CREB1: variants seen among roughly 807,000 people sequenced by gnomAD.
CREB1 encodes the protein cAMP responsive element binding protein 1.
Under a neutral mutation model 42.0 loss-of-function variants are expected in CREB1, and 2 were observed. The observed-to-expected ratio is 0.05, with a 90% confidence interval of 0.02 to 0.15. The LOEUF is 0.15. Among genes scored for constraint, CREB1 ranks in the 10% least tolerant of loss-of-function variants. CREB1 has a pLI of 1.00. For missense variants in CREB1, 199 were observed against 388.9 expected (o/e 0.51, Z 4.11); for synonymous variants, 123 against 139.9 (o/e 0.88, Z 0.85).
chr2:207,535,026 G>C (rs959699812), intron 1 of CREB1, among the ~76,000 whole-genome samples: 3 of 152,168 alleles, frequency 2.0e-5, no homozygotes, highest in Admixed American at 6.6e-5. Context: ...ATTTTATTAT[G>C]TAAGTAGACT....
At chr2:207,589,076 T>C (rs1432564377) in intron 7 of CREB1, among the ~76,000 whole-genome samples, 3 of 152,144 alleles carry the variant, frequency 2.0e-5, no homozygotes, top group Non-Finnish European at 4.4e-5. Context: ...TTCTTGATCT[T>C]AGGGGGTGTA....
At position 207,602,293 on chromosome 2, in the gene CREB1, TAA is replaced by T. The variant is rs1213034575; in HGVS notation, c.*5237_*5238del. ...AAGCCGGTGATGCAAGTTGATATTATAAACAGGCAGTTTTAGCACAGAAAGAA... is the reference window on the plus strand; with the variant it reads ...AAGCCGGTGATGCAAGTTGATATTATACAGGCAGTTTTAGCACAGAAAGAA... On this transcript the variant is annotated 3_prime_UTR_variant, in exon 8 of 8. Coordinates refer to ENST00000353267, the MANE Select transcript of CREB1 (RefSeq NM_004379.5). The T allele has an allele frequency of 1.6e-5, 3 of 193,388 alleles. No individual in the cohort carries two copies. In the Admixed American group the frequency reaches 1.8e-4, roughly 12 times the overall value. 12.0% of individuals were successfully genotyped at this position (193,388 alleles called of 1,614,324 possible).
In CREB1 at chr2:207,593,253, C is replaced by T. The variant is rs958248120; in HGVS notation, c.840-3661C>T. ...TTAAAATTTGTATCAAGGCTGGGTG[C>T]GGTGGCTCATGCCTGTAATCCCAGC... On this transcript the variant is annotated intron_variant, in intron 7 of 7. Coordinates refer to ENST00000353267, the MANE Select transcript of CREB1 (RefSeq NM_004379.5). Among the ~76,000 whole-genome samples, 6 of 152,076 alleles carry T rather than the reference C, an allele frequency of 3.9e-5. No individual in the cohort carries two copies. In the South Asian group the frequency reaches 6.2e-4, roughly 16 times the overall value.
At chr2:207,542,726 A>G (rs2081144634) in intron 1 of CREB1, among the ~76,000 whole-genome samples, 1 of 152,150 alleles carries the variant, frequency 6.6e-6, no homozygotes, top group Admixed American at 6.5e-5. Flanking sequence ...TATATCATAA[A>G]TTCTTGTTTA....
chr2:207,567,160 G>A (rs2082169965), intron 3 of CREB1, among the ~76,000 whole-genome samples: 2 of 151,934 alleles, frequency 1.3e-5, no homozygotes, highest in African/African-American at 2.4e-5. Context: ...ATTTTAGTTG[G>A]TAGTTTTGTT....
chr2:207,566,334 T>G (rs1398694534), intron 3 of CREB1, among the ~76,000 whole-genome samples: 2 of 152,234 alleles, frequency 1.3e-5, no homozygotes, highest in Non-Finnish European at 2.9e-5. Flanking sequence ...GACGTGGAGC[T>G]GACCTACATA....
Position 207,564,535 on chromosome 2 carries a change from A to T in CREB1, c.262-2928A>T, listed in dbSNP as rs184625333. On this transcript the variant is annotated intron_variant, in intron 3 of 7. Transcript: ENST00000353267. ...TAAAAAAAAAAAATCTTAAAAAAAA[A>T]ATATATATCCAAACCATGAGTCTCA... Among the ~76,000 whole-genome samples the T allele has an allele frequency of 2.9e-3, 435 of 152,138 alleles. 1 individual carries two copies. Among genetic ancestry groups the T allele is most frequent in the African/African-American group, 8.8e-3 (365 of 41,526 alleles).
At chr2:207,575,997 A>T (rs1415713623) in intron 6 of CREB1, among the ~76,000 whole-genome samples, 8 of 104,914 alleles carry the variant, frequency 7.6e-5, no homozygotes, top group Non-Finnish European at 1.2e-4. Context: ...TATTATTATT[A>T]TTATTTTTTT....
Position 207,545,978 on chromosome 2 carries a change from G to GC in CREB1, c.-8-9647dup, listed in dbSNP as rs373287093. 1.7e-3 allele frequency among the ~76,000 whole-genome samples: 258 copies of GC among 151,850 alleles called. 1 individual carries two copies. The highest frequency in any genetic ancestry group is 6.1e-3 in the African/African-American group (251 of 41,420). On this transcript the variant is annotated intron_variant, in intron 1 of 7. Transcript: ENST00000353267. ...TTGAACTCCCGACCTCAGGTGATCTGCCCGCCTTGGCCTCCCAAAGTCTTG... is the reference window on the plus strand; with the variant it reads ...TTGAACTCCCGACCTCAGGTGATCTGCCCCGCCTTGGCCTCCCAAAGTCTTG...
intron 3 of CREB1, among the ~76,000 whole-genome samples, chr2:207,564,778 A>G (rs1234555288): frequency 6.6e-6 from 1 of 152,150 alleles, no homozygotes; most frequent in Non-Finnish European, 1.5e-5. Context: ...CTTTATATCT[A>G]CAAGTGGTAG....
At chr2:207,564,093 G>A (rs73056921) in intron 3 of CREB1, among the ~76,000 whole-genome samples, 1,544 of 151,368 alleles carry the variant, frequency 0.01, 25 homozygotes, top group African/African-American at 0.036. Context: ...TTTATAATAC[G>A]AATACTTAAA....
Position 207,593,407 on chromosome 2 carries a change from A to G in CREB1, c.840-3507A>G, listed in dbSNP as rs147298277. ...TAGCTGGGCATGGTGGTGCATGCCT[A>G]TGGTCCCAGCTGCTGGGGAGGTTGA... is the stretch of plus-strand genomic sequence containing the variant. On this transcript the variant is annotated intron_variant, in intron 7 of 7. Coordinates refer to ENST00000353267, the MANE Select transcript of CREB1 (RefSeq NM_004379.5). Among the ~76,000 whole-genome samples, 370 of 152,260 alleles carry G rather than the reference A, an allele frequency of 2.4e-3. 2 individuals carry two copies. Among genetic ancestry groups the G allele is most frequent in the African/African-American group, 8.5e-3 (353 of 41,560 alleles).
chr2:207,550,797 C>T (rs971965988), intron 1 of CREB1, among the ~76,000 whole-genome samples: 2 of 152,172 alleles, frequency 1.3e-5, no homozygotes, highest in Non-Finnish European at 2.9e-5. Flanking sequence ...AATTTAAATG[C>T]TACTTTATTA....
chr2:207,549,959 G>A (rs2081437104), intron 1 of CREB1, among the ~76,000 whole-genome samples: 1 of 148,268 alleles, frequency 6.7e-6, no homozygotes, highest in Non-Finnish European at 1.5e-5. Context: ...GAAAGAGCGA[G>A]ACTCCATCTC....
At chr2:207,570,679 A>G (rs1228498723) in intron 5 of CREB1, among the ~76,000 whole-genome samples, 4 of 152,210 alleles carry the variant, frequency 2.6e-5, no homozygotes, top group Admixed American at 2.6e-4. Context: ...CATTCCTTGA[A>G]TATATCTCGG....
chr2:207,596,031 T>G (rs1259178834), intron 7 of CREB1, among the ~76,000 whole-genome samples: 2 of 152,240 alleles, frequency 1.3e-5, no homozygotes, highest in African/African-American at 4.8e-5. Context: ...GCTTTTGGTG[T>G]TGTATTTAAG....
intron 7 of CREB1, among the ~76,000 whole-genome samples, chr2:207,583,156 G>A (rs1249580792): frequency 2.0e-5 from 3 of 151,928 alleles, no homozygotes; most frequent in Non-Finnish European, 4.4e-5. Flanking sequence ...TAAGTATATA[G>A]GGGGATTCAT....
At chr2:207,595,597 T>C (rs2085988722) in intron 7 of CREB1, among the ~76,000 whole-genome samples, 1 of 151,836 alleles carries the variant, frequency 6.6e-6, no homozygotes, top group Non-Finnish European at 1.5e-5. Context: ...GGTTCTTGGT[T>C]TGTCACCCAG....
intron 2 of CREB1, among the ~76,000 whole-genome samples, chr2:207,559,429 C>T (rs1317718255): frequency 6.6e-6 from 1 of 152,162 alleles, no homozygotes; most frequent in Non-Finnish European, 1.5e-5. Flanking sequence ...CATTCCTTCG[C>T]ATACATACCC....
Sources: gnomAD v4.1 joint callset for allele counts (sites outside exome capture counted in the v4.1 genomes callset) on GRCh38, gnomAD v4.1.1 for gene constraint, MANE v1.5 for transcripts, NCBI Gene and HGNC (gene_info 2026-07-23, HGNC 2026-07-21) for gene names.